Variants in KANSL1L observed in about 807,000 individuals in gnomAD.
KANSL1L encodes the protein KAT8 regulatory NSL complex subunit 1 like, also known as KAT8 regulatory NSL complex subunit 1-like protein.
KANSL1L carries 25 observed loss-of-function variants against 108.6 expected under a neutral mutation model. That is an observed-to-expected ratio of 0.23 (90% confidence interval 0.17 to 0.32). KANSL1L has a LOEUF of 0.32. Ranked by LOEUF, KANSL1L falls within the 10% of genes least tolerant of loss-of-function variation. The pLI, the probability that KANSL1L is intolerant of heterozygous loss-of-function variation, is 1.00. For missense variants in KANSL1L, 1,137 were observed against 1,125.7 expected, an observed-to-expected ratio of 1.01 and a Z score of -0.14; for synonymous variants, 405 against 395.1, an observed-to-expected ratio of 1.03 and a Z score of -0.30.
At chr2:210,042,250 G>A (rs1398775611) in intron 7 of KANSL1L, among the ~76,000 whole-genome samples, 3 of 152,116 alleles carry the variant, frequency 2.0e-5, no homozygotes, top group Non-Finnish European at 2.9e-5. Flanking sequence ...ACTAGAATGC[G>A]AGTACCTTGA....
chr2:210,031,985 A>T (rs2094023870), intron 8 of KANSL1L, among the ~76,000 whole-genome samples: 1 of 152,204 alleles, frequency 6.6e-6, no homozygotes, highest in Admixed American at 6.5e-5. Flanking sequence ...CATCTGTAAA[A>T]TAGGGATAAT....
At chr2:210,097,185 T>A in intron 5 of KANSL1L, 1 of 865,828 alleles carries the variant, frequency 1.2e-6, no homozygotes, top group Non-Finnish European at 1.4e-6. Context: ...GCTCATGAAA[T>A]CTGCCCACCT....
At chr2:210,125,202 C>T (rs989578884) in intron 3 of KANSL1L, among the ~76,000 whole-genome samples, 9 of 151,904 alleles carry the variant, frequency 5.9e-5, no homozygotes, top group African/African-American at 1.2e-4. Flanking sequence ...TGCAGTGAGC[C>T]GAGATTGCGC....
In KANSL1L at chr2:210,058,129, T is replaced by C. The variant is rs988493878; in HGVS notation, c.1756-14025A>G. Among the ~76,000 whole-genome samples the C allele has an allele frequency of 2.0e-5, 3 of 152,190 alleles. No homozygotes were observed. In the East Asian group the frequency reaches 5.8e-4, roughly 29 times the overall value. On this transcript the variant is annotated intron_variant, in intron 6 of 14. Transcript: ENST00000281772. Reference sequence around the variant, plus strand: ...TGGGAGAAATATCGCTGAATTCTTTTTCTCAGCAAGGAACATCCCTGAGAA... The same window carrying C: ...TGGGAGAAATATCGCTGAATTCTTTCTCTCAGCAAGGAACATCCCTGAGAA...
chr2:210,084,786 G>A (rs539837077), intron 5 of KANSL1L, among the ~76,000 whole-genome samples: 137 of 151,992 alleles, frequency 9.0e-4, no homozygotes, highest in Middle Eastern at 6.8e-3. Context: ...GGTAATTTTT[G>A]TTTTTAGTAG....
At chr2:210,108,403 T>G (rs566983222) in intron 3 of KANSL1L, among the ~76,000 whole-genome samples, 1 of 152,172 alleles carries the variant, frequency 6.6e-6, no homozygotes, top group African/African-American at 2.4e-5. Context: ...CCAGTAGATG[T>G]TGCAATCAAG....
intron 1 of KANSL1L, among the ~76,000 whole-genome samples, chr2:210,156,359 TTGTCAAACACATTTTTACCAAAGGG>T (rs2095333137): frequency 6.6e-6 from 1 of 152,074 alleles, no homozygotes; most frequent in South Asian, 2.1e-4. Context: ...GAAAATGTGT[TTGTCAAACACATTTTTACCAAAGGG>T]TAATGTTCAT....
intron 11 of KANSL1L, among the ~76,000 whole-genome samples, chr2:210,028,117 T>G (rs1403876905): frequency 6.6e-6 from 1 of 152,214 alleles, no homozygotes; most frequent in Non-Finnish European, 1.5e-5. Flanking sequence ...TTACTGCCAG[T>G]AGGGAGCAGA....
chr2:210,158,118 A>C (rs1461898170), intron 1 of KANSL1L, among the ~76,000 whole-genome samples: 3 of 152,160 alleles, frequency 2.0e-5, no homozygotes, highest in African/African-American at 7.2e-5. Flanking sequence ...CTTCGTATTC[A>C]TGCCCTTGTT....
intron 3 of KANSL1L, among the ~76,000 whole-genome samples, chr2:210,111,722 C>CT (rs925118114): frequency 1.3e-5 from 2 of 150,964 alleles, no homozygotes; most frequent in African/African-American, 2.4e-5. Context: ...TTTTTTTTAA[C>CT]TTTTTTTAAA....
chr2:210,100,719 T>C (rs1304796167), intron 4 of KANSL1L, among the ~76,000 whole-genome samples: 4 of 152,172 alleles, frequency 2.6e-5, no homozygotes, highest in Non-Finnish European at 4.4e-5. Flanking sequence ...CTCACTGCAA[T>C]CTCTGCCACC....
At chr2:210,070,484 C>T (rs901733534) in intron 6 of KANSL1L, among the ~76,000 whole-genome samples, 2 of 151,980 alleles carry the variant, frequency 1.3e-5, no homozygotes, top group Non-Finnish European at 2.9e-5. Context: ...CCCGCCTCGG[C>T]CTCCCAAAGT....
At position 210,074,072 on chromosome 2, in the gene KANSL1L, T is replaced by C. The variant is rs75285716; in HGVS notation, c.1755+1480A>G. Among the ~76,000 whole-genome samples, 841 of 152,130 alleles carry C rather than the reference T, an allele frequency of 5.5e-3. 11 individuals carry two copies. The highest frequency in any genetic ancestry group is 0.019 in the African/African-American group (805 of 41,540). ...AAACAGGGTGCTATAACAATATATA[T>C]ACCATTCTGGGCATGTCAAGGAAGG... On this transcript the variant is annotated intron_variant, in intron 6 of 14. Transcript: ENST00000281772.
chr2:210,101,027 G>A (rs2094788920), intron 4 of KANSL1L, among the ~76,000 whole-genome samples: 1 of 152,158 alleles, frequency 6.6e-6, no homozygotes, highest in African/African-American at 2.4e-5. Context: ...CTTGTTCATA[G>A]GCAATTTATT....
intron 6 of KANSL1L, among the ~76,000 whole-genome samples, chr2:210,058,243 G>T (rs1340111491): frequency 2.0e-5 from 3 of 152,132 alleles, no homozygotes; most frequent in African/African-American, 7.2e-5. Context: ...GATGAAATAA[G>T]CCCCAGTCTC....
intron 3 of KANSL1L, among the ~76,000 whole-genome samples, chr2:210,123,980 T>C (rs1469517950): frequency 1.3e-5 from 2 of 152,124 alleles, no homozygotes; most frequent in African/African-American, 2.4e-5. Context: ...TTTACACATC[T>C]AATAAGAGAC....
At chr2:210,172,291 G>T (rs527840513), upstream of KANSL1L, among the ~76,000 whole-genome samples, 1 of 152,078 alleles carries the variant, frequency 6.6e-6, no homozygotes, top group African/African-American at 2.4e-5. Flanking sequence ...CCTAAGCACC[G>T]AATTTACACA....
rs1029583361 is a variant in KANSL1L at position 210,160,397 on chromosome 2, G to A, written c.-29-5786C>T. On this transcript the variant is annotated intron_variant, in intron 1 of 14. Transcript: ENST00000281772. The stretch of plus-strand genomic sequence containing the variant: ...CACAGATTAGAAAGTAAGTAAAACT[G>A]TCTCTATTCACAGATGACGTGATTT... 3.9e-5 allele frequency among the ~76,000 whole-genome samples: 6 copies of A among 152,180 alleles called. No homozygotes were observed. In the East Asian group the frequency reaches 5.8e-4, roughly 15 times the overall value.
At chr2:210,108,526 T>C (rs972895758) in intron 3 of KANSL1L, among the ~76,000 whole-genome samples, 1 of 152,224 alleles carries the variant, frequency 6.6e-6, no homozygotes, top group Non-Finnish European at 1.5e-5. Flanking sequence ...GATTGAAATA[T>C]AAATCTTATT....
Sources: allele counts gnomAD v4.1 joint callset (sites outside exome capture counted in the v4.1 genomes callset), GRCh38; gene constraint gnomAD v4.1.1; transcripts MANE v1.5; gene names NCBI Gene and HGNC (gene_info 2026-07-23, HGNC 2026-07-21).